Variants in MARCHF3 observed in about 807,000 individuals in gnomAD.
MARCHF3 encodes the protein E3 ubiquitin-protein ligase MARCHF3.
MARCHF3 carries 13 observed loss-of-function variants against 24.2 expected under a neutral mutation model. That is an observed-to-expected ratio of 0.54 (90% confidence interval 0.35 to 0.85). The LOEUF (loss-of-function observed/expected upper bound fraction) is 0.85, where lower values mean the gene tolerates loss of function less well. Among genes scored for constraint, MARCHF3 ranks in the 40% least tolerant of loss-of-function variants. The probability of loss-of-function intolerance (pLI) is 0.01; values close to 1 mark genes in which losing one functional copy is unlikely to be tolerated. For missense variants in MARCHF3, 276 were observed against 325.0 expected (o/e 0.85, Z 1.16); for synonymous variants, 144 against 137.3 (o/e 1.05, Z -0.34).
chr5:126,898,656 G>C (rs1470056714), intron 3 of MARCHF3, among the ~76,000 whole-genome samples: 1 of 151,988 alleles, frequency 6.6e-6, no homozygotes, highest in South Asian at 2.1e-4. Flanking sequence ...CCCAATTTCT[G>C]CTTTACTGAC....
At chr5:126,926,944 C>T (rs901395839) in intron 1 of MARCHF3, among the ~76,000 whole-genome samples, 1 of 152,108 alleles carries the variant, frequency 6.6e-6, no homozygotes, top group Admixed American at 6.5e-5. Flanking sequence ...CTCAGCCCAC[C>T]CTCTTCTACA....
At chr5:126,879,100 G>A (rs1753265544) in intron 3 of MARCHF3, among the ~76,000 whole-genome samples, 1 of 152,174 alleles carries the variant, frequency 6.6e-6, no homozygotes, top group Non-Finnish European at 1.5e-5. Flanking sequence ...GCTCAGGTGA[G>A]CTTCCCAGAT....
chr5:126,916,065 C>A (rs569504786), intron 2 of MARCHF3, among the ~76,000 whole-genome samples: 3 of 152,284 alleles, frequency 2.0e-5, no homozygotes, highest in South Asian at 4.1e-4. Context: ...CAGCAAATGC[C>A]TAGTTAATGC....
chr5:126,961,112 C>T (rs1400214069), intron 1 of MARCHF3, among the ~76,000 whole-genome samples: 1 of 152,100 alleles, frequency 6.6e-6, no homozygotes, highest in African/African-American at 2.4e-5. Flanking sequence ...GCTATGACTT[C>T]ATGTATTCAA....
At chr5:126,946,371 A>G (rs1320956791) in intron 1 of MARCHF3, 1 of 138,928 alleles carries the variant, frequency 7.2e-6, no homozygotes, top group East Asian at 2.1e-4. Context: ...GATTCTGTCA[A>G]AAAAAAAAAA....
intron 1 of MARCHF3, among the ~76,000 whole-genome samples, chr5:126,954,678 CTTT>C (rs199567453): frequency 4.6e-5 from 6 of 130,104 alleles, no homozygotes; most frequent in African/African-American, 1.1e-4. Flanking sequence ...GCCCCAGTTT[CTTT>C]TTTTTTTTTT....
At chr5:126,908,933 C>T in intron 3 of MARCHF3, among the ~76,000 whole-genome samples, 1 of 152,200 alleles carries the variant, frequency 6.6e-6, no homozygotes, top group Non-Finnish European at 1.5e-5. Context: ...TGCTGTGTTT[C>T]TTCCCCAAGT....
intron 2 of MARCHF3, 127 bp downstream of exon 2, chr5:126,917,857 T>C (rs1748945791): frequency 1.0e-6 from 1 of 961,632 alleles, no homozygotes; most frequent in Non-Finnish European, 1.5e-6. Context: ...TTTTTTTTTT[T>C]TTTCCAGCAC....
intron 1 of MARCHF3, among the ~76,000 whole-genome samples, chr5:127,019,182 T>G (rs1752720737): frequency 6.6e-6 from 1 of 152,216 alleles, no homozygotes; most frequent in Admixed American, 6.5e-5. Flanking sequence ...TTTTGGCACA[T>G]TCCTCTGTCC....
chr5:126,983,535 C>T (rs182112343), intron 1 of MARCHF3, among the ~76,000 whole-genome samples: 15 of 152,288 alleles, frequency 9.8e-5, no homozygotes, highest in East Asian at 1.9e-4. Context: ...CAAAGGCTCT[C>T]GGAACTGTCA....
At chr5:126,981,934 T>C (rs771105824) in intron 1 of MARCHF3, among the ~76,000 whole-genome samples, 49 of 152,232 alleles carry the variant, frequency 3.2e-4, no homozygotes, top group Non-Finnish European at 6.0e-4. Context: ...CCCAAGGCTT[T>C]TTTGGAAAAT....
intron 1 of MARCHF3, among the ~76,000 whole-genome samples, chr5:126,943,563 A>G (rs1195948971): frequency 6.6e-6 from 1 of 151,506 alleles, no homozygotes; most frequent in African/African-American, 2.4e-5. Context: ...ATCCTGGGTG[A>G]CAGAAAAAGA....
chr5:126,966,118 A>G (rs1048386703), intron 1 of MARCHF3, among the ~76,000 whole-genome samples: 24 of 152,342 alleles, frequency 1.6e-4, no homozygotes, highest in African/African-American at 5.5e-4. Flanking sequence ...TGCTTATATG[A>G]AAGTCTAGAG....
At chr5:126,989,355 T>A (rs1315821083) in intron 1 of MARCHF3, among the ~76,000 whole-genome samples, 1 of 150,138 alleles carries the variant, frequency 6.7e-6, no homozygotes, top group African/African-American at 2.5e-5. Flanking sequence ...AATAATAATA[T>A]TAGGACTAAA....
chr5:126,932,384 T>G (rs1398675831), intron 1 of MARCHF3, among the ~76,000 whole-genome samples: 1 of 152,260 alleles, frequency 6.6e-6, no homozygotes, highest in African/African-American at 2.4e-5. Flanking sequence ...AATTGTGGTT[T>G]TAAAGCCCAC....
intron 1 of MARCHF3, among the ~76,000 whole-genome samples, chr5:126,985,913 T>C (rs1751550048): frequency 6.6e-6 from 1 of 152,202 alleles, no homozygotes; most frequent in African/African-American, 2.4e-5. Context: ...ATTTGGTCCC[T>C]GGATATAGAA....
In MARCHF3 at chr5:126,920,767, C is replaced by G. The variant is rs142266524; in HGVS notation, c.-56-2540G>C. Among the ~76,000 whole-genome samples the G allele has an allele frequency of 1.4e-3, 218 of 152,278 alleles. 1 individual carries two copies. The highest frequency in any genetic ancestry group is 5.1e-3 in the African/African-American group (211 of 41,562). ...TAAGTCCTCATCAAAGGAAGTAGTT[C>G]TAAATGTGTGACCTAAATCCGCAAT... is the stretch of plus-strand genomic sequence containing the variant. On this transcript the variant is annotated intron_variant, in intron 1 of 4. Transcript: ENST00000308660.
intron 3 of MARCHF3, among the ~76,000 whole-genome samples, chr5:126,908,817 A>T (rs1428587332): frequency 6.6e-6 from 1 of 152,016 alleles, no homozygotes; most frequent in Non-Finnish European, 1.5e-5. Context: ...TTCTTCTCTC[A>T]GCTCCTCAAA....
At chr5:126,916,510 C>T (rs73335496) in intron 2 of MARCHF3, among the ~76,000 whole-genome samples, 4,512 of 152,120 alleles carry the variant, frequency 0.03, 222 homozygotes, top group African/African-American at 0.1. Context: ...AAAGGATCTC[C>T]CTCCCACTAG....
Sources: allele counts gnomAD v4.1 joint callset (sites outside exome capture counted in the v4.1 genomes callset), GRCh38; gene constraint gnomAD v4.1.1; transcripts MANE v1.5; gene names NCBI Gene and HGNC (gene_info 2026-07-23, HGNC 2026-07-21).